Variants in SDK1 observed in about 807,000 individuals in gnomAD.
SDK1 encodes sidekick cell adhesion molecule 1.
In SDK1, 157 loss-of-function variants were observed where a neutral mutation model predicts 245.5. That is an observed-to-expected ratio of 0.64 (90% CI 0.56 to 0.73). The LOEUF is 0.73. Among genes scored for constraint, SDK1 ranks in the 30% least tolerant of loss-of-function variants. The pLI, the probability that SDK1 is intolerant of heterozygous loss-of-function variation, is 0.00. For missense variants in SDK1, 3,583 were observed against 3,002.3 expected (o/e 1.19, Z -4.52); for synonymous variants, 1,647 against 1,278.5 (o/e 1.29, Z -6.15).
intron 4 of SDK1, among the ~76,000 whole-genome samples, chr7:3,820,905 C>A (rs1397413338): frequency 3.3e-5 from 5 of 152,182 alleles, no homozygotes; most frequent in African/African-American, 1.2e-4. Flanking sequence ...AAAGACGTGG[C>A]CTGGAGTTAA....
At chr7:3,691,375 C>T (rs1314538057) in intron 4 of SDK1, among the ~76,000 whole-genome samples, 1 of 152,040 alleles carries the variant, frequency 6.6e-6, no homozygotes, top group Non-Finnish European at 1.5e-5. Flanking sequence ...CACAGTGGAC[C>T]CCTCCCTCCA....
At chr7:4,040,048 C>T (rs1325425729) in intron 17 of SDK1, among the ~76,000 whole-genome samples, 1 of 152,174 alleles carries the variant, frequency 6.6e-6, no homozygotes, top group East Asian at 1.9e-4. Flanking sequence ...CGCTGAAGCA[C>T]TGGGTTTTTG....
At chr7:3,531,453 CATGTCCT>C (rs1393688254) in intron 1 of SDK1, among the ~76,000 whole-genome samples, 1 of 152,010 alleles carries the variant, frequency 6.6e-6, no homozygotes, top group Admixed American at 6.6e-5. Flanking sequence ...ATTTAGCTAC[CATGTCCT>C]TTGGACTTTT....
intron 1 of SDK1, among the ~76,000 whole-genome samples, chr7:3,565,823 T>A (rs1779896730): frequency 6.6e-6 from 1 of 152,154 alleles, no homozygotes; most frequent in Non-Finnish European, 1.5e-5. Context: ...GAAAAAGAAG[T>A]CTGTACATAT....
chr7:4,169,671 G>A (rs764080432), intron 32 of SDK1, among the ~76,000 whole-genome samples: 18 of 152,208 alleles, frequency 1.2e-4, no homozygotes, highest in East Asian at 3.9e-4. Flanking sequence ...CCCAAGGGGC[G>A]GAGCTCAGTG....
chr7:3,351,423 A>G (rs1032919903), intron 1 of SDK1, among the ~76,000 whole-genome samples: 17 of 152,196 alleles, frequency 1.1e-4, no homozygotes, highest in African/African-American at 3.9e-4. Context: ...AACAGAAAGC[A>G]CACAATAACA....
At chr7:4,155,962 C>T (rs138209982) in intron 30 of SDK1, among the ~76,000 whole-genome samples, 35 of 152,296 alleles carry the variant, frequency 2.3e-4, no homozygotes, top group Admixed American at 2.2e-3. Context: ...GCCATCTGAG[C>T]AGATACTTGC....
At position 4,242,002 on chromosome 7, in the gene SDK1, T is replaced by TC. The variant is rs974094842; in HGVS notation, c.6251+92dup. 3 of 1,481,370 alleles carry TC rather than the reference T, an allele frequency of 2.0e-6. No homozygotes were observed. The African/African-American group carries it at 4.2e-5, about 21-fold the overall frequency. 91.8% of individuals were successfully genotyped at this position (1,481,370 alleles called of 1,614,324 possible). A position where few individuals can be genotyped will look rare whatever the true frequency, so the allele number is the denominator to read the frequency against. On this transcript the variant is annotated intron_variant, in intron 43 of 44. Transcript: ENST00000404826. ...CCCACGCCCACTGGCACCTCCTGCA[T>TC]CCCGCCCTGTGGTTCCAGGAAGCAA...
At chr7:3,847,198 A>G (rs1205415663) in intron 5 of SDK1, among the ~76,000 whole-genome samples, 1 of 151,894 alleles carries the variant, frequency 6.6e-6, no homozygotes, top group Non-Finnish European at 1.5e-5. Flanking sequence ...CCTGGAACTC[A>G]CATGTGTGCC....
intron 5 of SDK1, among the ~76,000 whole-genome samples, chr7:3,898,319 C>T (rs1460634351): frequency 3.3e-5 from 5 of 152,136 alleles, no homozygotes; most frequent in Non-Finnish European, 7.4e-5. Context: ...GGTTACAGAA[C>T]CACTAGAGCA....
intron 26 of SDK1, chr7:4,129,665 C>T (rs1444573049): frequency 2.9e-6 from 4 of 1,377,692 alleles, no homozygotes; most frequent in African/African-American, 1.5e-5. Flanking sequence ...TATGACCAGG[C>T]AGCAGGCTCG....
intron 1 of SDK1, among the ~76,000 whole-genome samples, chr7:3,342,461 G>T (rs920794815): frequency 2.0e-5 from 3 of 152,080 alleles, no homozygotes; most frequent in Non-Finnish European, 4.4e-5. Context: ...GGTGGCACAT[G>T]CCTGTAATCC....
intron 5 of SDK1, among the ~76,000 whole-genome samples, chr7:3,868,953 A>G (rs754711586): frequency 5.3e-5 from 8 of 152,212 alleles, no homozygotes; most frequent in South Asian, 2.1e-4. Context: ...TGACTACATT[A>G]CATTGTTGGA....
chr7:3,464,460 A>G (rs776340454), intron 1 of SDK1, among the ~76,000 whole-genome samples: 8 of 152,158 alleles, frequency 5.3e-5, no homozygotes, highest in Non-Finnish European at 1.0e-4. Context: ...GCTCAAGGCT[A>G]CAGTGAACTA....
intron 14 of SDK1, among the ~76,000 whole-genome samples, chr7:3,989,765 C>G (rs966908707): frequency 6.6e-6 from 1 of 152,210 alleles, no homozygotes; most frequent in Non-Finnish European, 1.5e-5. Flanking sequence ...ATTGAGATAA[C>G]TCACTTTATT....
chr7:3,981,507 G>C (rs1376205221), intron 13 of SDK1, among the ~76,000 whole-genome samples: 1 of 152,152 alleles, frequency 6.6e-6, no homozygotes. Flanking sequence ...CGAAAGCCAA[G>C]ACAAGACAAA....
At position 4,121,923 on chromosome 7, in the gene SDK1, G is replaced by A. The variant is rs141022562; in HGVS notation, c.3824-5458G>A. ...TCTGGGAAAAAAAGTTTTGGTTCAC[G>A]TGTTTCCATCAAAAATTTTATAATT... On this transcript the variant is annotated intron_variant, in intron 25 of 44. Coordinates refer to ENST00000404826, the MANE Select transcript of SDK1 (RefSeq NM_152744.4). 2.3e-4 allele frequency among the ~76,000 whole-genome samples: 35 copies of A among 152,274 alleles called. 1 individual carries two copies. In the East Asian group the frequency reaches 5.0e-3, roughly 22 times the overall value.
At chr7:3,597,372 C>G (rs540877005) in intron 1 of SDK1, among the ~76,000 whole-genome samples, 23 of 151,646 alleles carry the variant, frequency 1.5e-4, no homozygotes, top group African/African-American at 5.3e-4. Flanking sequence ...TGGTCAACTT[C>G]TCCATTTTCA....
In SDK1 at chr7:3,628,071, C is replaced by T. The variant is rs574026783; in HGVS notation, c.458+8832C>T. 4.9e-4 allele frequency among the ~76,000 whole-genome samples: 74 copies of T among 152,196 alleles called. 1 individual carries two copies. The South Asian group carries it at 0.015, about 30-fold the overall frequency. On this transcript the variant is annotated intron_variant, in intron 2 of 44. Transcript: ENST00000404826. Reference sequence around the variant, plus strand: ...TGCTTGGAAGGCTCTTCCTTAACTGCGCTCCCTTTGGCCACGCATGAGTAA... The same window carrying T: ...TGCTTGGAAGGCTCTTCCTTAACTGTGCTCCCTTTGGCCACGCATGAGTAA...
Sources: gnomAD v4.1 joint callset for allele counts (sites outside exome capture counted in the v4.1 genomes callset) on GRCh38, gnomAD v4.1.1 for gene constraint, MANE v1.5 for transcripts, NCBI Gene and HGNC (gene_info 2026-07-23, HGNC 2026-07-21) for gene names.